FBXL5: variants seen among roughly 807,000 people sequenced by gnomAD.
The protein encoded by FBXL5 is F-box and leucine rich repeat protein 5, also known as F-box/LRR-repeat protein 5.
Under a neutral mutation model 78.3 loss-of-function variants are expected in FBXL5, and 26 were observed. The ratio of observed to expected loss-of-function variants is 0.33; its 90% CI spans 0.24 to 0.46. The LOEUF is 0.46. Among genes scored for constraint, FBXL5 ranks in the 20% least tolerant of loss-of-function variants. The probability of loss-of-function intolerance (pLI) is 1.00; values close to 1 mark genes in which losing one functional copy is unlikely to be tolerated. For missense variants in FBXL5, 710 were observed against 829.2 expected (o/e 0.86, Z 1.77); for synonymous variants, 295 against 282.5 (o/e 1.04, Z -0.45).
At chr4:15,640,410 A>AC (rs1553852147) in intron 3 of FBXL5, among the ~76,000 whole-genome samples, 85 of 146,680 alleles carry the variant, frequency 5.8e-4, no homozygotes, top group East Asian at 3.5e-3. Context: ...AAAAAAAAAA[A>AC]CATGAAAAAA....
intron 1 of FBXL5, among the ~76,000 whole-genome samples, chr4:15,675,725 G>T (rs1717970156): frequency 6.6e-6 from 1 of 151,788 alleles, no homozygotes; most frequent in Non-Finnish European, 1.5e-5. Flanking sequence ...GGTATTACTG[G>T]CACCTGACAC....
In FBXL5 at chr4:15,604,574, T is replaced by C. The variant is rs116831681; in HGVS notation, c.*1149A>G. On this transcript the variant is annotated 3_prime_UTR_variant, in exon 11 of 11. Transcript: ENST00000341285. ...AGTTTTATTGGAAACATGGCACCAA[T>C]AGACTGGCTCAACGCAGAGTTGCCA... 7 of 152,316 alleles carry C rather than the reference T, an allele frequency of 4.6e-5. No homozygotes were observed. The highest frequency in any genetic ancestry group is 7.4e-5 in the Non-Finnish European group (5 of 68,026). 9.4% of individuals were successfully genotyped at this position (152,316 alleles called of 1,614,324 possible). A position where few individuals can be genotyped will look rare whatever the true frequency, so the allele number is the denominator to read the frequency against.
chr4:15,655,454 C>A (rs1716797468), upstream of FBXL5: 1 of 927,940 alleles, frequency 1.1e-6, no homozygotes, highest in African/African-American at 1.8e-5. Flanking sequence ...AGGCCGCCGC[C>A]ATGCGATCCC....
intron 9 of FBXL5, among the ~76,000 whole-genome samples, chr4:15,619,442 T>G (rs1234418778): frequency 6.6e-6 from 1 of 152,076 alleles, no homozygotes; most frequent in Admixed American, 6.5e-5. Context: ...TCATCTCAAC[T>G]GATTGAGAAA....
chr4:15,680,336 T>C (rs1021272644), intron 1 of FBXL5, among the ~76,000 whole-genome samples: 1 of 152,132 alleles, frequency 6.6e-6, no homozygotes, highest in African/African-American at 2.4e-5. Flanking sequence ...GTTTGAGCCA[T>C]GTAAAAGAAA....
At chr4:15,655,413 C>T (rs184805452), upstream of FBXL5, 161,123 of 1,004,842 alleles carry the variant, frequency 0.16, 13,668 homozygotes, top group East Asian at 0.25. Context: ...CGCGCCCGGT[C>T]GGCTTGGCCG....
intron 9 of FBXL5, among the ~76,000 whole-genome samples, chr4:15,623,196 T>C (rs1204505019): frequency 5.9e-5 from 9 of 152,272 alleles, no homozygotes; most frequent in African/African-American, 1.7e-4. Flanking sequence ...CTTCTAGTGT[T>C]TTCCAAAACC....
chr4:15,653,744 C>G (rs1716440485), intron 1 of FBXL5, among the ~76,000 whole-genome samples: 1 of 152,048 alleles, frequency 6.6e-6, no homozygotes, highest in South Asian at 2.1e-4. Flanking sequence ...GTAAAAAATT[C>G]AGGGATATAC....
At chr4:15,653,302 T>G (rs1294000485) in intron 1 of FBXL5, among the ~76,000 whole-genome samples, 1 of 152,200 alleles carries the variant, frequency 6.6e-6, no homozygotes, top group Non-Finnish European at 1.5e-5. Context: ...AAAAGACTCT[T>G]GGCTCAGATA....
chr4:15,620,791 A>T (rs1712398984), intron 9 of FBXL5, among the ~76,000 whole-genome samples: 1 of 152,276 alleles, frequency 6.6e-6, no homozygotes, highest in Non-Finnish European at 1.5e-5. Flanking sequence ...TGGCCCGCCC[A>T]GGGCGGAAAA....
chr4:15,625,472 C>T lies in FBXL5; in HGVS notation c.1630G>A (p.Ala544Thr). ...CAACAAAATGAGTGACCACAATACGCAAAGGCTGGAGAAGCACAATGCTGC... is the reference window on the plus strand; with the variant it reads ...CAACAAAATGAGTGACCACAATACGTAAAGGCTGGAGAAGCACAATGCTGC... ...WQQHCASPAF[A>T]YCGHSFCCTG... The change falls in exon 9 of 11, where the codon GCG becomes ACG. Residue 544 changes from alanine to threonine, a missense_variant. Transcript: ENST00000341285. 6.2e-7 allele frequency: 1 copy of T among 1,613,936 alleles called. No homozygotes were observed. The highest frequency in any genetic ancestry group is 1.1e-5 in the South Asian group (1 of 91,052).
In FBXL5 at chr4:15,636,635, GAAGATGGGTTAT is replaced by G. The variant is rs1560228409; in HGVS notation, c.613_624del (p.Ile205_Leu208del). 1 of 1,613,880 alleles carries G rather than the reference GAAGATGGGTTAT, an allele frequency of 6.2e-7. No individual in the cohort carries two copies. Among genetic ancestry groups the G allele is most frequent in the Non-Finnish European group, 8.5e-7 (1 of 1,179,882 alleles). On this transcript the variant is annotated inframe_deletion, in exon 5 of 11. Transcript: ENST00000341285. ...AAAATTGACAGCATTACCTCAGGAG[GAAGATGGGTTAT>G]ACCTGTGGAGTGTTCTGACACTTCT... is the stretch of plus-strand genomic sequence containing the variant.
chr4:15,618,897 T>C (rs960484777), intron 9 of FBXL5, among the ~76,000 whole-genome samples: 5 of 151,944 alleles, frequency 3.3e-5, no homozygotes, highest in African/African-American at 9.7e-5. Flanking sequence ...GGGCTGGGTG[T>C]GGTGGCTCAT....
chr4:15,652,826 T>G (rs1299663207), intron 1 of FBXL5, among the ~76,000 whole-genome samples: 1 of 152,218 alleles, frequency 6.6e-6, no homozygotes, highest in Non-Finnish European at 1.5e-5. Flanking sequence ...AATAACTATT[T>G]TGTACCTTTT....
Position 15,644,333 on chromosome 4 carries a change from T to C in FBXL5, c.300+160A>G, listed in dbSNP as rs116576516. 3.0e-3 allele frequency among the ~76,000 whole-genome samples: 459 copies of C among 152,342 alleles called. 2 individuals carry two copies. Among genetic ancestry groups the C allele is most frequent in the African/African-American group, 0.01 (432 of 41,574 alleles). ...CACTACTGCAAACTCCCCACTGCAG[T>C]AGTTCTTTTTAAATAGTCTTCCTTG... On this transcript the variant is annotated intron_variant, in intron 2 of 10. Transcript: ENST00000341285.
intron 9 of FBXL5, among the ~76,000 whole-genome samples, 185 bp downstream of exon 9, chr4:15,625,067 A>G (rs989449996): frequency 6.6e-6 from 1 of 152,272 alleles, no homozygotes; most frequent in Non-Finnish European, 1.5e-5. Context: ...TTGAACTGAC[A>G]GAAATGAAAC....
Position 15,625,830 on chromosome 4 carries a change from G to T in FBXL5, c.1272C>A (p.Ser424Arg). The T allele has an allele frequency of 6.2e-7, 1 of 1,614,042 alleles. No homozygotes were observed. ...HQSGFLKTST[S>R]KITSTAWKNK... The stretch of plus-strand genomic sequence containing the variant: ...TTTTCCACGCAGTTGAAGTAATTTT[G>T]CTTGTAGATGTTTTCAAAAAGCCAC... Residue 424 changes from serine to arginine, a missense_variant, in exon 9 of 11, where the codon AGC becomes AGA. Ser to Arg is a moderately radical substitution (Grantham distance 110). Around this residue, in one of 4 missense-constraint regions of FBXL5, gnomAD observed 517 missense variants for 542.9 expected, o/e 0.95. Coordinates refer to ENST00000341285, the MANE Select transcript of FBXL5 (RefSeq NM_012161.4).
upstream of FBXL5, among the ~76,000 whole-genome samples, chr4:15,660,146 A>T (rs977588011): frequency 6.6e-6 from 1 of 151,836 alleles, no homozygotes; most frequent in Non-Finnish European, 1.5e-5. Context: ...TGGCACAAAC[A>T]TAGCTTACTG....
At chr4:15,661,921 C>G (rs750220223), upstream of FBXL5, among the ~76,000 whole-genome samples, 3 of 152,208 alleles carry the variant, frequency 2.0e-5, no homozygotes, top group Non-Finnish European at 2.9e-5. Context: ...TCCTCATAGG[C>G]TGTTAGAATA....
Sources: gnomAD v4.1 joint callset for allele counts (sites outside exome capture counted in the v4.1 genomes callset) on GRCh38, gnomAD v4.1.1 for gene constraint, gnomAD v4.1.1 regional missense constraint, MANE v1.5 for transcripts, NCBI Gene and HGNC (gene_info 2026-07-23, HGNC 2026-07-21) for gene names.